The following DCC variants were observed in gnomAD, a reference collection of about 807,000 sequenced individuals.
The protein encoded by DCC is netrin receptor DCC.
In DCC, 58 loss-of-function variants were observed where a neutral mutation model predicts 172.5. The observed-to-expected ratio is 0.34, with a 90% CI of 0.27 to 0.42. DCC has a LOEUF of 0.42. DCC is among the 10% of genes least tolerant of loss of function. The pLI is 1.00. For synonymous variants in DCC, 709 were observed against 644.5 expected, an observed-to-expected ratio of 1.10 and a Z score of -1.52; for missense variants, 1,740 against 1,791.0, an observed-to-expected ratio of 0.97 and a Z score of 0.51.
At chr18:52,509,778 G>A (rs1210473799) in intron 1 of DCC, among the ~76,000 whole-genome samples, 1 of 152,116 alleles carries the variant, frequency 6.6e-6, no homozygotes, top group Non-Finnish European at 1.5e-5. Flanking sequence ...CACCCCCACG[G>A]ATGAACCGAG....
At chr18:52,620,289 T>A (rs2034455168) in intron 1 of DCC, among the ~76,000 whole-genome samples, 2 of 152,198 alleles carry the variant, frequency 1.3e-5, no homozygotes, top group Admixed American at 1.3e-4. Flanking sequence ...AACTTTCTAT[T>A]AATTGCAGGA....
At chr18:52,888,236 T>G (rs931016183) in intron 2 of DCC, among the ~76,000 whole-genome samples, 3 of 152,232 alleles carry the variant, frequency 2.0e-5, no homozygotes, top group Admixed American at 1.3e-4. Context: ...TGCAGGCCAT[T>G]AACACCCTGG....
intron 2 of DCC, among the ~76,000 whole-genome samples, chr18:52,889,132 A>G (rs2039611693): frequency 6.6e-6 from 1 of 152,090 alleles, no homozygotes. Context: ...AGAACCTCTA[A>G]TATATAAGAT....
intron 13 of DCC, among the ~76,000 whole-genome samples, chr18:53,315,009 G>C (rs1386306344): frequency 6.6e-6 from 1 of 152,122 alleles, no homozygotes; most frequent in Non-Finnish European, 1.5e-5. Context: ...ACATGTGCAG[G>C]AAGTATAGAT....
intron 2 of DCC, among the ~76,000 whole-genome samples, chr18:52,846,384 A>G (rs2038889883): frequency 6.6e-6 from 1 of 151,894 alleles, no homozygotes; most frequent in South Asian, 2.1e-4. Flanking sequence ...CCACAAAAAT[A>G]CAGAAATTAG....
At chr18:53,515,070 A>G (rs1303001436) in intron 27 of DCC, among the ~76,000 whole-genome samples, 4 of 152,074 alleles carry the variant, frequency 2.6e-5, no homozygotes, top group Admixed American at 6.6e-5. Context: ...GGCAACACGA[A>G]TCCAGCAGCA....
intron 1 of DCC, among the ~76,000 whole-genome samples, chr18:52,701,250 A>G (rs1335679122): frequency 6.6e-6 from 1 of 152,180 alleles, no homozygotes; most frequent in Non-Finnish European, 1.5e-5. Flanking sequence ...AACAAGGAAT[A>G]GTGCTTCTTA....
At chr18:52,816,391 A>G (rs1297239142) in intron 2 of DCC, among the ~76,000 whole-genome samples, 2 of 152,232 alleles carry the variant, frequency 1.3e-5, no homozygotes, top group African/African-American at 4.8e-5. Context: ...CTCACAGTGA[A>G]TGTTCCCGGC....
intron 12 of DCC, among the ~76,000 whole-genome samples, chr18:53,291,240 C>T (rs1200405541): frequency 1.3e-5 from 2 of 151,786 alleles, no homozygotes; most frequent in East Asian, 1.9e-4. Flanking sequence ...TCTGATTAAG[C>T]GTTATACAGC....
intron 12 of DCC, among the ~76,000 whole-genome samples, chr18:53,266,577 C>T (rs1157588168): frequency 2.0e-5 from 3 of 152,020 alleles, no homozygotes; most frequent in East Asian, 1.9e-4. Flanking sequence ...CCATAAAATT[C>T]ACTCTTTTAA....
intron 1 of DCC, among the ~76,000 whole-genome samples, chr18:52,583,234 C>T (rs1164201178): frequency 6.6e-6 from 1 of 152,184 alleles, no homozygotes; most frequent in Non-Finnish European, 1.5e-5. Context: ...GATAGGTACT[C>T]TGTAAATATT....
intron 25 of DCC, among the ~76,000 whole-genome samples, chr18:53,474,539 T>C (rs1052486457): frequency 6.6e-6 from 1 of 152,168 alleles, no homozygotes; most frequent in Admixed American, 6.5e-5. Context: ...AGTTAATAAG[T>C]CTCACAAGAT....
chr18:53,508,236 A>G (rs2046207569), intron 27 of DCC, among the ~76,000 whole-genome samples: 1 of 150,062 alleles, frequency 6.7e-6, no homozygotes, highest in African/African-American at 2.5e-5. Flanking sequence ...TCTGTCACCC[A>G]AGCTAGAGTG....
intron 5 of DCC, among the ~76,000 whole-genome samples, chr18:52,993,909 A>G (rs2041436781): frequency 6.6e-6 from 1 of 151,964 alleles, no homozygotes; most frequent in Admixed American, 6.6e-5. Flanking sequence ...GAGTTTTCTT[A>G]GAATTAGGGC....
intron 5 of DCC, among the ~76,000 whole-genome samples, chr18:52,996,135 A>C (rs1044735742): frequency 6.6e-6 from 1 of 152,096 alleles, no homozygotes; most frequent in East Asian, 1.9e-4. Flanking sequence ...TTAGTACTGC[A>C]TAGCGATGTG....
chr18:52,513,267 G>T (rs1374129975), intron 1 of DCC, among the ~76,000 whole-genome samples: 1 of 152,020 alleles, frequency 6.6e-6, no homozygotes, highest in Non-Finnish European at 1.5e-5. Flanking sequence ...TTTATATTTG[G>T]CAATGCACCA....
At chr18:53,472,713 G>A (rs1355587971) in intron 25 of DCC, among the ~76,000 whole-genome samples, 1 of 152,012 alleles carries the variant, frequency 6.6e-6, no homozygotes, top group East Asian at 1.9e-4. Context: ...CAGCTTCCTA[G>A]CTAAGTCTTC....
chr18:52,669,131 A>G (rs745462275), intron 1 of DCC, among the ~76,000 whole-genome samples: 12 of 152,128 alleles, frequency 7.9e-5, no homozygotes, highest in Non-Finnish European at 1.3e-4. Flanking sequence ...TAGGTAGGAA[A>G]TGAAATCATG....
At chr18:52,607,199 A>T (rs185434469) in intron 1 of DCC, among the ~76,000 whole-genome samples, 52 of 152,218 alleles carry the variant, frequency 3.4e-4, no homozygotes, top group Non-Finnish European at 6.5e-4. Flanking sequence ...CTCCATGACC[A>T]CTGTGGCAGG....
Sources: gnomAD v4.1 joint callset for allele counts (sites outside exome capture counted in the v4.1 genomes callset) on GRCh38, gnomAD v4.1.1 for gene constraint, MANE v1.5 for transcripts, NCBI Gene and HGNC (gene_info 2026-07-23, HGNC 2026-07-21) for gene names.